GALNT11: variants seen among roughly 807,000 people sequenced by gnomAD.
The protein encoded by GALNT11 is UDP-GalNAc:polypeptide N-acetylgalactosaminyltransferase 11.
Under a neutral mutation model 72.7 loss-of-function variants are expected in GALNT11, and 47 were observed. The ratio of observed to expected loss-of-function variants is 0.65; its 90% confidence interval spans 0.51 to 0.82. The LOEUF is 0.82. Among genes scored for constraint, GALNT11 ranks in the 40% least tolerant of loss-of-function variants. GALNT11 has a pLI of 0.00. For synonymous variants in GALNT11, 270 were observed against 286.6 expected (o/e 0.94, Z 0.58); for missense variants, 677 against 778.4 (o/e 0.87, Z 1.55).
At chr7:152,083,956 A>G (rs2085470782) in intron 1 of GALNT11, among the ~76,000 whole-genome samples, 1 of 152,160 alleles carries the variant, frequency 6.6e-6, no homozygotes, top group Admixed American at 6.5e-5. Flanking sequence ...TTGTCTTGAT[A>G]TTCATAAATG....
intron 1 of GALNT11, among the ~76,000 whole-genome samples, chr7:152,058,887 A>C (rs973599833): frequency 2.4e-4 from 36 of 152,116 alleles, no homozygotes; most frequent in Non-Finnish European, 4.4e-5. Context: ...TTATTTGCAC[A>C]TCCATATCTT....
chr7:152,094,111 T>C lies in GALNT11; in HGVS notation c.-38-79T>C. ...ACGCATAGTGGTCCTACTTGGTGGTTTGGAAAACAGTGATTCTGTATTTGG... is the reference window on the plus strand; with the variant it reads ...ACGCATAGTGGTCCTACTTGGTGGTCTGGAAAACAGTGATTCTGTATTTGG... On this transcript the variant is annotated intron_variant, in intron 1 of 11. Coordinates refer to ENST00000430044, the MANE Select transcript of GALNT11 (RefSeq NM_022087.4). This position sits in a 1 kb window ranked among gnomAD's most constrained non-coding sequence, Gnocchi z 4.3. The C allele has an allele frequency of 8.2e-7, 1 of 1,218,594 alleles. No homozygotes were observed. The highest frequency in any genetic ancestry group is 1.1e-6 in the Non-Finnish European group (1 of 869,820). 75.5% of individuals were successfully genotyped at this position (1,218,594 alleles called of 1,614,324 possible). A position where few individuals can be genotyped will look rare whatever the true frequency, so the allele number is the denominator to read the frequency against.
In GALNT11 at chr7:152,108,106, G is replaced by T; in HGVS notation, c.781G>T (p.Ala261Ser). The T allele has an allele frequency of 1.9e-6, 3 of 1,613,950 alleles. No individual in the cohort carries two copies. Among genetic ancestry groups the T allele is most frequent in the Non-Finnish European group, 2.5e-6 (3 of 1,179,922 alleles). The change falls in exon 6 of 12, where the codon GCC becomes TCC. Residue 261 changes from alanine to serine, a missense_variant. Transcript: ENST00000430044. ...NVMWLQPLLAAIREDRHTVVC... is the reference protein window; with the variant it reads ...NVMWLQPLLASIREDRHTVVC... ...GATGTGGCTGCAGCCCTTGCTGGCC[G>T]CCATCCGTGAGGACCGGCACACCGT...
intron 1 of GALNT11, among the ~76,000 whole-genome samples, chr7:152,045,744 T>G (rs868140093): frequency 6.6e-6 from 1 of 152,064 alleles, no homozygotes; most frequent in Non-Finnish European, 1.5e-5. Flanking sequence ...TTTGTTTTGT[T>G]GATCTTTTGT....
chr7:152,057,581 G>T (rs2083758096), intron 1 of GALNT11, among the ~76,000 whole-genome samples: 1 of 152,028 alleles, frequency 6.6e-6, no homozygotes, highest in African/African-American at 2.4e-5. Flanking sequence ...TGCTGGGATT[G>T]TAGGTGTGAA....
At chr7:152,097,184 G>A (rs1053612433) in intron 2 of GALNT11, among the ~76,000 whole-genome samples, 1 of 152,122 alleles carries the variant, frequency 6.6e-6, no homozygotes, top group Non-Finnish European at 1.5e-5. Flanking sequence ...TTTAAAATGG[G>A]CAAAGGATTT....
At chr7:152,060,406 A>G (rs1466547688) in intron 1 of GALNT11, among the ~76,000 whole-genome samples, 1 of 152,042 alleles carries the variant, frequency 6.6e-6, no homozygotes, top group South Asian at 2.1e-4. Flanking sequence ...GTTTGGTGCA[A>G]GAGGCCTAGC....
intron 1 of GALNT11, among the ~76,000 whole-genome samples, chr7:152,056,938 A>C: frequency 6.6e-6 from 1 of 151,414 alleles, no homozygotes; most frequent in Non-Finnish European, 1.5e-5. Flanking sequence ...CCCCAGGCTC[A>C]AGTGATCCTT....
Position 152,121,739 on chromosome 7 carries a change from C to CT in GALNT11, c.*65dup. ...GTTGCCTCCGGTGTGGAGTTTGGGG[C>CT]TTTAGGAAAGCCTGGGTTGGGTGGA... On this transcript the variant is annotated 3_prime_UTR_variant, in exon 12 of 12. Coordinates refer to ENST00000430044, the MANE Select transcript of GALNT11 (RefSeq NM_022087.4). 6.4e-7 allele frequency: 1 copy of CT among 1,571,114 alleles called. No individual in the cohort carries two copies. The highest frequency in any genetic ancestry group is 8.7e-7 in the Non-Finnish European group (1 of 1,155,622).
chr7:152,040,910 T>A (rs1221305510), intron 1 of GALNT11, among the ~76,000 whole-genome samples: 1 of 152,226 alleles, frequency 6.6e-6, no homozygotes, highest in African/African-American at 2.4e-5. Flanking sequence ...AATTTAGTTA[T>A]TCTAGGGAGA....
At position 152,116,452 on chromosome 7, in the gene GALNT11, G is replaced by A. The variant is rs1050231235; in HGVS notation, c.1234-705G>A. Among the ~76,000 whole-genome samples, 4 of 151,982 alleles carry A rather than the reference G, an allele frequency of 2.6e-5. No homozygotes were observed. The East Asian group carries it at 5.8e-4, about 22-fold the overall frequency. On this transcript the variant is annotated intron_variant, in intron 8 of 11. Transcript: ENST00000430044. ...ACGGTTTCACCATGTTTGGCCAGGC[G>A]GGTCTCAAACTCCTGACCTTAAGTG...
chr7:152,108,177 C>T lies in GALNT11; in HGVS notation c.852C>T (p.Tyr284=), dbSNP rs772695869. ...TCATCAGCGCCGACACGCTGGCCTACAGCTCGTCCCCTGTCGTCCGCGGAG... is the reference window on the plus strand; with the variant it reads ...TCATCAGCGCCGACACGCTGGCCTATAGCTCGTCCCCTGTCGTCCGCGGAG... ...IDIISADTLA[Y]SSSPVVRGGF... The change falls in exon 6 of 12, where the codon TAC becomes TAT. Residue 284 remains tyrosine, a synonymous_variant. Coordinates refer to ENST00000430044, the MANE Select transcript of GALNT11 (RefSeq NM_022087.4). The T allele has an allele frequency of 1.2e-6, 2 of 1,614,192 alleles. No homozygotes were observed. The highest frequency in any genetic ancestry group is 8.5e-7 in the Non-Finnish European group (1 of 1,180,038).
At chr7:152,059,952 T>G (rs963324686) in intron 1 of GALNT11, among the ~76,000 whole-genome samples, 1 of 152,200 alleles carries the variant, frequency 6.6e-6, no homozygotes, top group African/African-American at 2.4e-5. Context: ...TATGAAAGGT[T>G]CTAAATGGCA....
At chr7:152,095,546 G>A (rs1341200224) in intron 2 of GALNT11, among the ~76,000 whole-genome samples, 1 of 152,022 alleles carries the variant, frequency 6.6e-6, no homozygotes, top group East Asian at 1.9e-4. Context: ...AATTTTATGA[G>A]GAAACAAGCT....
intron 1 of GALNT11, among the ~76,000 whole-genome samples, chr7:152,066,627 A>T (rs1166841516): frequency 6.6e-6 from 1 of 152,030 alleles, no homozygotes; most frequent in Admixed American, 6.6e-5. Context: ...GAGATGTGTG[A>T]CTCTTCCTTT....
chr7:152,108,586 G>T (rs932913894), intron 6 of GALNT11, among the ~76,000 whole-genome samples: 9 of 152,164 alleles, frequency 5.9e-5, no homozygotes, highest in Non-Finnish European at 1.0e-4. Flanking sequence ...TTGCTGTTTG[G>T]TATGTCAAAC....
intron 1 of GALNT11, among the ~76,000 whole-genome samples, chr7:152,069,973 C>A (rs1563055818): frequency 1.3e-5 from 2 of 150,298 alleles, no homozygotes; most frequent in African/African-American, 5.0e-5. Flanking sequence ...TTGCTTTTTT[C>A]TTTCTTTTTT....
intron 1 of GALNT11, among the ~76,000 whole-genome samples, chr7:152,026,237 A>G (rs1018080106): frequency 2.0e-5 from 3 of 152,224 alleles, no homozygotes; most frequent in Non-Finnish European, 2.9e-5. Context: ...TTTAAAATTA[A>G]AAGTGCCCAG....
intron 1 of GALNT11, among the ~76,000 whole-genome samples, chr7:152,074,024 G>C (rs999840114): frequency 1.3e-5 from 2 of 151,830 alleles, no homozygotes; most frequent in Non-Finnish European, 2.9e-5. Flanking sequence ...TTTAGTTTCT[G>C]GTTTATTCTG....
Sources: allele counts gnomAD v4.1 joint callset (sites outside exome capture counted in the v4.1 genomes callset), GRCh38; gene constraint gnomAD v4.1.1; non-coding constraint Gnocchi (gnomAD v3.1); transcripts MANE v1.5; gene names NCBI Gene and HGNC (gene_info 2026-07-23, HGNC 2026-07-21).